Variants in CBL observed in about 807,000 individuals in gnomAD.
CBL encodes Cbl proto-oncogene, also known as E3 ubiquitin-protein ligase CBL.
In CBL, 45 loss-of-function variants were observed where a neutral mutation model predicts 96.9. The ratio of observed to expected loss-of-function variants is 0.46; its 90% CI spans 0.37 to 0.60. The LOEUF is 0.60. CBL is among the 20% of genes least tolerant of loss of function. The pLI, the probability that CBL is intolerant of heterozygous loss-of-function variation, is 0.00. For missense variants in CBL, 1,024 were observed against 1,143.5 expected (o/e 0.90, Z 1.51); for synonymous variants, 420 against 426.8 (o/e 0.98, Z 0.20).
At chr11:119,246,002 ATCTC>A (rs1159997057) in intron 2 of CBL, among the ~76,000 whole-genome samples, 1 of 91,848 alleles carries the variant, frequency 1.1e-5, no homozygotes, top group Non-Finnish European at 2.0e-5. Context: ...AGGAGATGGA[ATCTC>A]TCTTTGTCAC....
At chr11:119,266,032 A>AAAAAAAAAAAAAAAG (rs1213584463) in intron 2 of CBL, among the ~76,000 whole-genome samples, 3 of 148,942 alleles carry the variant, frequency 2.0e-5, no homozygotes, top group Admixed American at 1.3e-4. Context: ...AAAAAAAAAA[A>AAAAAAAAAAAAAAAG]AAAGAAAGAA....
rs1024290970 is a variant in CBL at position 119,304,302 on chromosome 11, AGG to A, written c.*4523_*4524del. The stretch of plus-strand genomic sequence containing the variant: ...ATACATAGAACGGCTTAATGCCTAG[AGG>A]GTGGTGGATAGTGAAGGACGGTCAA... On this transcript the variant is annotated 3_prime_UTR_variant, in exon 16 of 16. Coordinates refer to ENST00000264033, the MANE Select transcript of CBL (RefSeq NM_005188.4). The A allele has an allele frequency of 4.3e-6, 1 of 233,180 alleles. No homozygotes were observed. Among genetic ancestry groups the A allele is most frequent in the African/African-American group, 2.2e-5 (1 of 45,344 alleles). The allele number at this position is 233,180 out of a possible 1,614,324, so 14.4% of individuals were successfully genotyped here.
chr11:119,225,050 GT>G (rs1235702301), intron 1 of CBL, among the ~76,000 whole-genome samples: 28 of 140,140 alleles, frequency 2.0e-4, no homozygotes, highest in Non-Finnish European at 2.6e-4. Context: ...ACTCTTTGGG[GT>G]GTGTGTGTGT....
At chr11:119,269,180 A>G (rs958957507) in intron 2 of CBL, among the ~76,000 whole-genome samples, 1 of 152,042 alleles carries the variant, frequency 6.6e-6, no homozygotes, top group Non-Finnish European at 1.5e-5. Context: ...TCTATTAAAC[A>G]ATAATCAAAG....
intron 9 of CBL, among the ~76,000 whole-genome samples, chr11:119,280,112 T>G (rs1350941250): frequency 1.3e-5 from 2 of 152,250 alleles, no homozygotes; most frequent in African/African-American, 4.8e-5. Flanking sequence ...ATTTTGTCAT[T>G]TGGCCATTCC....
chr11:119,278,578 T>C lies in CBL; in HGVS notation c.1296T>C (p.Asp432=), dbSNP rs1188095865. 2 of 1,614,110 alleles carry C rather than the reference T, an allele frequency of 1.2e-6. No individual in the cohort carries two copies. The highest frequency in any genetic ancestry group is 1.7e-6 in the Non-Finnish European group (2 of 1,180,002). The stretch of plus-strand genomic sequence containing the variant: ...AAGGTACTGAACCCATCGTGGTAGA[T>C]CCGTTTGATCCTAGAGGGAGTGGCA... The part of the protein sequence containing the change: ...EIKGTEPIVV[D]PFDPRGSGSL... The change falls in exon 9 of 16, where the codon GAT becomes GAC. Residue 432 remains aspartate (D), a synonymous_variant. Transcript: ENST00000264033.
chr11:119,261,998 T>C (rs1949758352), intron 2 of CBL, among the ~76,000 whole-genome samples: 2 of 152,312 alleles, frequency 1.3e-5, no homozygotes, highest in South Asian at 4.1e-4. Flanking sequence ...AAAGAAGGTG[T>C]GGAGAAGTAA....
In CBL at chr11:119,297,456, A is replaced by G. The variant is rs751552263; in HGVS notation, c.2226A>G (p.Pro742=). The change falls in exon 14 of 16, where the codon CCA becomes CCG. Residue 742 remains proline (P), a synonymous_variant. Transcript: ENST00000264033. ...EAMYNIQSQA[P]SITESSTFGE... ...TGTATAATATTCAGTCCCAGGCGCC[A>G]TCTATCACCGAGAGCAGCACCTTTG... The G allele has an allele frequency of 2.5e-6, 4 of 1,613,206 alleles. No homozygotes were observed. The highest frequency in any genetic ancestry group is 1.1e-5 in the South Asian group (1 of 91,052).
chr11:119,278,384 G>T (rs1373961290), intron 8 of CBL, 87 bp downstream of exon 8: 2 of 1,559,018 alleles, frequency 1.3e-6, no homozygotes, highest in East Asian at 2.2e-5. Flanking sequence ...ACAAGGGGTG[G>T]CCTGGCTTTT....
chr11:119,257,467 TTG>T (rs1349882058), intron 2 of CBL, among the ~76,000 whole-genome samples: 1 of 152,240 alleles, frequency 6.6e-6, no homozygotes, highest in Non-Finnish European at 1.5e-5. Flanking sequence ...TTTGTTGTTG[TTG>T]TTTTCCTTGC....
chr11:119,284,420 T>TA (rs763438146), intron 9 of CBL, among the ~76,000 whole-genome samples: 101 of 152,110 alleles, frequency 6.6e-4, no homozygotes, highest in Non-Finnish European at 1.3e-3. Context: ...GTCTTCCTGT[T>TA]TTAGCCTCCC....
At chr11:119,213,520 C>T (rs1949334684) in intron 1 of CBL, among the ~76,000 whole-genome samples, 1 of 152,100 alleles carries the variant, frequency 6.6e-6, no homozygotes, top group Admixed American at 6.6e-5. Context: ...TTGTAAAGTC[C>T]TTGAGGGTAG....
intron 2 of CBL, among the ~76,000 whole-genome samples, chr11:119,234,087 A>G (rs987904353): frequency 6.6e-6 from 1 of 151,994 alleles, no homozygotes; most frequent in African/African-American, 2.4e-5. Context: ...GCTCACCGCA[A>G]CCTCCGCCTC....
chr11:119,218,902 A>G (rs1225052236), intron 1 of CBL, among the ~76,000 whole-genome samples: 1 of 152,224 alleles, frequency 6.6e-6, no homozygotes, highest in African/African-American at 2.4e-5. Context: ...GTACAGTAAG[A>G]ATGAATCTTC....
rs1023612324 is a variant in CBL at position 119,301,663 on chromosome 11, C to G, written c.*1882C>G. 3 of 233,146 alleles carry G rather than the reference C, an allele frequency of 1.3e-5. No homozygotes were observed. The highest frequency in any genetic ancestry group is 6.6e-5 in the African/African-American group (3 of 45,340). 14.4% of individuals were successfully genotyped at this position (233,146 alleles called of 1,614,324 possible). On this transcript the variant is annotated 3_prime_UTR_variant, in exon 16 of 16. Coordinates refer to ENST00000264033, the MANE Select transcript of CBL (RefSeq NM_005188.4). ...ATTCCCAGAGTAGGCAGTACAGGAT[C>G]TCGTGTTGATTTGCTGTGGTTACCC...
intron 1 of CBL, among the ~76,000 whole-genome samples, chr11:119,223,532 C>A (rs1456947521): frequency 6.6e-6 from 1 of 151,236 alleles, no homozygotes; most frequent in Non-Finnish European, 1.5e-5. Flanking sequence ...CAGGTTCAAG[C>A]AATTCTCCTG....
intron 1 of CBL, among the ~76,000 whole-genome samples, chr11:119,225,073 T>TGCGC (rs1176578172): frequency 1.3e-5 from 2 of 151,150 alleles, no homozygotes; most frequent in East Asian, 1.9e-4. Context: ...TGTGTGTGTG[T>TGCGC]GCGCGCGCTT....
At chr11:119,270,703 C>A (rs954930777) in intron 2 of CBL, among the ~76,000 whole-genome samples, 1 of 151,794 alleles carries the variant, frequency 6.6e-6, no homozygotes, top group Non-Finnish European at 1.5e-5. Flanking sequence ...GCCTCGGCCT[C>A]CCAAAGTGCT....
intron 2 of CBL, among the ~76,000 whole-genome samples, chr11:119,249,101 A>G (rs1196808242): frequency 6.6e-6 from 1 of 152,190 alleles, no homozygotes; most frequent in Non-Finnish European, 1.5e-5. Flanking sequence ...ACATACCCCA[A>G]AGAATTGAAA....
Sources: allele counts gnomAD v4.1 joint callset (sites outside exome capture counted in the v4.1 genomes callset), GRCh38; gene constraint gnomAD v4.1.1; transcripts MANE v1.5; gene names NCBI Gene and HGNC (gene_info 2026-07-23, HGNC 2026-07-21).